The following MAD1L1 variants were observed in gnomAD, a reference collection of about 807,000 sequenced individuals.
The protein encoded by MAD1L1 is mitotic spindle assembly checkpoint protein MAD1.
MAD1L1 carries 95 observed loss-of-function variants against 96.9 expected under a neutral mutation model. The ratio of observed to expected loss-of-function variants is 0.98; its 90% CI spans 0.83 to 1.16. The LOEUF (loss-of-function observed/expected upper bound fraction) is 1.16. Ranked by LOEUF, MAD1L1 falls within the 50% of genes most tolerant of loss-of-function variation. MAD1L1 has a pLI of 0.00. For missense variants in MAD1L1, 1,007 were observed against 954.4 expected (o/e 1.06, Z -0.73); for synonymous variants, 473 against 396.6 (o/e 1.19, Z -2.29).
At chr7:2,125,238 C>T (rs1788176135) in intron 11 of MAD1L1, among the ~76,000 whole-genome samples, 1 of 152,258 alleles carries the variant, frequency 6.6e-6, no homozygotes, top group Middle Eastern at 3.4e-3. Flanking sequence ...GGTCCTGGAC[C>T]CAAGGGTGGG....
chr7:1,912,219 A>G (rs1430231314), intron 17 of MAD1L1, among the ~76,000 whole-genome samples: 1 of 152,232 alleles, frequency 6.6e-6, no homozygotes, highest in Non-Finnish European at 1.5e-5. Flanking sequence ...TCAGCAGTGG[A>G]AACCGCAAGG....
At chr7:2,096,020 C>A (rs1270920020) in intron 11 of MAD1L1, among the ~76,000 whole-genome samples, 1 of 152,190 alleles carries the variant, frequency 6.6e-6, no homozygotes, top group Non-Finnish European at 1.5e-5. Flanking sequence ...GAATCGGGCT[C>A]CCCCAGGCCT....
intron 15 of MAD1L1, among the ~76,000 whole-genome samples, chr7:1,963,096 G>A (rs1265230437): frequency 6.6e-6 from 1 of 152,186 alleles, no homozygotes; most frequent in South Asian, 2.1e-4. Context: ...CACACTAGGC[G>A]TTTACCTGAA....
At chr7:2,081,424 C>T (rs188419863) in intron 11 of MAD1L1, among the ~76,000 whole-genome samples, 24 of 152,376 alleles carry the variant, frequency 1.6e-4, no homozygotes, top group Non-Finnish European at 2.9e-4. Flanking sequence ...ATTTCCAGAA[C>T]GCCATCGTGC....
At position 1,898,422 on chromosome 7, in the gene MAD1L1, C is replaced by T. The variant is rs115260549; in HGVS notation, c.1808-32G>A. 7.9e-4 allele frequency: 1,266 copies of T among 1,597,922 alleles called. 10 individuals carry two copies. In the African/African-American group the frequency reaches 0.014, roughly 17 times the overall value. ...GAGGGACGGAAGGAGACAGTGAGTG[C>T]GGCACCAGGCCGGAGGGGTGGGGAC... On this transcript the variant is annotated intron_variant, in intron 17 of 18. Transcript: ENST00000265854.
At chr7:1,933,889 C>A (rs987470030) in intron 17 of MAD1L1, among the ~76,000 whole-genome samples, 10 of 152,298 alleles carry the variant, frequency 6.6e-5, no homozygotes, top group African/African-American at 2.2e-4. Flanking sequence ...AGTTCCTGGG[C>A]TGCGTTGGAG....
chr7:2,124,629 G>A (rs1448783259), intron 11 of MAD1L1, among the ~76,000 whole-genome samples: 3 of 152,140 alleles, frequency 2.0e-5, no homozygotes, highest in Non-Finnish European at 2.9e-5. Flanking sequence ...CTCTGAGCTC[G>A]GCAAGGAGCG....
intron 18 of MAD1L1, among the ~76,000 whole-genome samples, chr7:1,822,210 T>C (rs1256030469): frequency 2.0e-5 from 3 of 151,972 alleles, no homozygotes; most frequent in Non-Finnish European, 4.4e-5. Context: ...AAAGGCAATA[T>C]AATTTACAGA....
chr7:2,205,520 T>G (rs988557715), intron 10 of MAD1L1, among the ~76,000 whole-genome samples: 19 of 152,124 alleles, frequency 1.2e-4, no homozygotes, highest in African/African-American at 4.6e-4. Context: ...CCCCTATCAT[T>G]GCATCCCCAA....
chr7:1,910,341 T>A (rs1787936119), intron 17 of MAD1L1, among the ~76,000 whole-genome samples: 1 of 152,178 alleles, frequency 6.6e-6, no homozygotes, highest in Non-Finnish European at 1.5e-5. Context: ...GACAGAAAGA[T>A]GCCTGCAGGA....
chr7:2,130,799 C>T lies in MAD1L1; in HGVS notation c.1073+18353G>A, dbSNP rs907277590. Among the ~76,000 whole-genome samples, 4 of 152,224 alleles carry T rather than the reference C, an allele frequency of 2.6e-5. No individual in the cohort carries two copies. The East Asian group carries it at 5.8e-4, about 22-fold the overall frequency. The stretch of plus-strand genomic sequence containing the variant: ...ATTCACTGCCTCTTTCACTGTCCTG[C>T]ACCTACAGACCAGATGGCACAAGAT... On this transcript the variant is annotated intron_variant, in intron 11 of 18. Coordinates refer to ENST00000265854, the MANE Select transcript of MAD1L1 (RefSeq NM_001013836.2).
rs779982673 is a variant in MAD1L1, at chr7:1,936,790, G to A, written c.1704C>T (p.Cys568=). 3.2e-5 allele frequency: 51 copies of A among 1,584,528 alleles called. No individual in the cohort carries two copies. In the South Asian group the frequency reaches 3.2e-4, roughly 10 times the overall value. ...REDHSQLQAE[C]ERLRGLLRAM... is the part of the protein sequence containing the mutation. ...CGCGCAGGAGCCCGCGCAGTCGCTC[G>A]CACTCCGCCTGCAGCTGGCTGTGGT... is the stretch of plus-strand genomic sequence containing the variant. Residue 568 remains cysteine (C), a synonymous_variant, in exon 17 of 19, where the codon TGC becomes TGT. Coordinates refer to ENST00000265854, the MANE Select transcript of MAD1L1 (RefSeq NM_001013836.2).
At chr7:1,930,990 C>T (rs1460814104) in intron 17 of MAD1L1, among the ~76,000 whole-genome samples, 1 of 151,292 alleles carries the variant, frequency 6.6e-6, no homozygotes, top group East Asian at 1.9e-4. Flanking sequence ...GCAGCCTACC[C>T]ACGGTCACAG....
At chr7:1,999,691 C>T (rs1453987620) in intron 14 of MAD1L1, among the ~76,000 whole-genome samples, 1 of 152,206 alleles carries the variant, frequency 6.6e-6, no homozygotes, top group Non-Finnish European at 1.5e-5. Flanking sequence ...TACAGTAAGG[C>T]TCCCTTCAGC....
At chr7:1,938,831 G>A (rs1279727275) in intron 16 of MAD1L1, among the ~76,000 whole-genome samples, 1 of 126,950 alleles carries the variant, frequency 7.9e-6, no homozygotes, top group African/African-American at 3.1e-5. Flanking sequence ...GCCAGGGCCG[G>A]GGCCAGAGGC....
intron 7 of MAD1L1, among the ~76,000 whole-genome samples, chr7:2,217,476 G>C (rs771418359): frequency 1.6e-4 from 25 of 152,188 alleles, no homozygotes; most frequent in Admixed American, 3.9e-4. Flanking sequence ...TAAGGGCTGA[G>C]AGGGCACGGC....
At chr7:2,189,491 C>G (rs886145347) in intron 10 of MAD1L1, among the ~76,000 whole-genome samples, 1 of 152,210 alleles carries the variant, frequency 6.6e-6, no homozygotes, top group Non-Finnish European at 1.5e-5. Flanking sequence ...TGGCACATGC[C>G]ACAACATGGA....
intron 12 of MAD1L1, among the ~76,000 whole-genome samples, chr7:2,060,040 T>C (rs993510328): frequency 6.6e-6 from 1 of 151,982 alleles, no homozygotes; most frequent in Non-Finnish European, 1.5e-5. Flanking sequence ...GATACGCCGA[T>C]GCCGAGATAC....
intron 18 of MAD1L1, among the ~76,000 whole-genome samples, chr7:1,893,243 G>A (rs575925280): frequency 3.3e-5 from 5 of 152,026 alleles, no homozygotes; most frequent in Admixed American, 6.5e-5. Context: ...GCAACAAGAG[G>A]TTTGGTCCCG....
Sources: allele counts gnomAD v4.1 joint callset (sites outside exome capture counted in the v4.1 genomes callset), GRCh38; gene constraint gnomAD v4.1.1; transcripts MANE v1.5; gene names NCBI Gene and HGNC (gene_info 2026-07-23, HGNC 2026-07-21).